The following FBXO10 variants were observed in gnomAD, a reference collection of about 807,000 sequenced individuals.
FBXO10 encodes the protein F-box only protein 10.
FBXO10 carries 39 observed loss-of-function variants against 80.7 expected under a neutral mutation model. The ratio of observed to expected loss-of-function variants is 0.48; its 90% CI spans 0.37 to 0.63. The LOEUF is 0.63. FBXO10 is among the 30% of genes least tolerant of loss of function. The pLI, the probability that FBXO10 is intolerant of heterozygous loss-of-function variation, is 0.00. For synonymous variants in FBXO10, 449 were observed against 489.6 expected, an observed-to-expected ratio of 0.92 and a Z score of 1.09; for missense variants, 1,025 against 1,269.0, an observed-to-expected ratio of 0.81 and a Z score of 2.92.
At chr9:37,556,743 C>T (rs1278495780) in intron 1 of FBXO10, among the ~76,000 whole-genome samples, 2 of 151,970 alleles carry the variant, frequency 1.3e-5, no homozygotes, top group East Asian at 3.8e-4. Flanking sequence ...GGGGGTTTCA[C>T]CATGTTGGCC....
At chr9:37,536,211 C>T (rs144844996) in intron 3 of FBXO10, 3 of 152,244 alleles carry the variant, frequency 2.0e-5, no homozygotes, top group East Asian at 3.9e-4. Flanking sequence ...TGAATACTTC[C>T]GGCATGGGAC....
chr9:37,555,508 G>A (rs893358433), intron 1 of FBXO10, among the ~76,000 whole-genome samples: 9 of 151,814 alleles, frequency 5.9e-5, no homozygotes, highest in Admixed American at 1.3e-4. Context: ...AGCCTCCCGA[G>A]TAGCTGGGAT....
chr9:37,523,425 G>A (rs747460984), intron 6 of FBXO10, among the ~76,000 whole-genome samples: 2 of 151,954 alleles, frequency 1.3e-5, no homozygotes, highest in East Asian at 1.9e-4. Context: ...GTGGTGGTGC[G>A]TGCCTGTAGT....
At chr9:37,535,070 C>A (rs1821723512) in intron 3 of FBXO10, among the ~76,000 whole-genome samples, 1 of 152,134 alleles carries the variant, frequency 6.6e-6, no homozygotes, top group Non-Finnish European at 1.5e-5. Context: ...GAGCAGCAGG[C>A]ACAAAGGAAG....
intron 7 of FBXO10, among the ~76,000 whole-genome samples, chr9:37,522,140 C>T (rs1490202980): frequency 6.6e-6 from 1 of 152,240 alleles, no homozygotes; most frequent in Non-Finnish European, 1.5e-5. Flanking sequence ...GCCAAGGGGG[C>T]ACCAATCCCT....
chr9:37,546,614 T>A (rs894927447), intron 1 of FBXO10, among the ~76,000 whole-genome samples: 1 of 152,126 alleles, frequency 6.6e-6, no homozygotes, highest in African/African-American at 2.4e-5. Context: ...TTGCTGATAG[T>A]TTAATAAGAG....
At chr9:37,554,346 CT>C (rs1822282819) in intron 1 of FBXO10, among the ~76,000 whole-genome samples, 1 of 152,126 alleles carries the variant, frequency 6.6e-6, no homozygotes, top group African/African-American at 2.4e-5. Context: ...TTGAGACTGG[CT>C]TTTTTTCATT....
At chr9:37,554,942 T>TG (rs1266194779) in intron 1 of FBXO10, among the ~76,000 whole-genome samples, 1 of 152,244 alleles carries the variant, frequency 6.6e-6, no homozygotes, top group African/African-American at 2.4e-5. Flanking sequence ...TAATTTTTCT[T>TG]GAGTCAATAC....
Position 37,541,336 on chromosome 9 carries a change from C to T in FBXO10, c.433G>A (p.Gly145Ser), listed in dbSNP as rs765616110. 1.9e-6 allele frequency: 3 copies of T among 1,614,054 alleles called. No homozygotes were observed. Among genetic ancestry groups the T allele is most frequent in the South Asian group, 1.1e-5 (1 of 91,086 alleles). Residue 145 changes from glycine (G) to serine (S), a missense_variant, in exon 2 of 11, where the codon GGT (glycine) becomes AGT (serine). Gly to Ser is a moderately conservative substitution (Grantham distance 56, BLOSUM62 0). Transcript: ENST00000432825. ...VLFPGVYEEQ[G>S]EIILKVPVEI... ...ACAGGCACCTTCAAGATGATTTCAC[C>T]TTGCTCTTCGTACACACCTGGGAAG...
At chr9:37,566,980 G>A (rs1822622187) in intron 1 of FBXO10, among the ~76,000 whole-genome samples, 1 of 152,030 alleles carries the variant, frequency 6.6e-6, no homozygotes, top group Admixed American at 6.6e-5. Flanking sequence ...TGTTCATTTT[G>A]GTTTACTTAG....
chr9:37,569,853 C>G (rs775618249), intron 1 of FBXO10, among the ~76,000 whole-genome samples: 1 of 152,078 alleles, frequency 6.6e-6, no homozygotes, highest in Non-Finnish European at 1.5e-5. Context: ...ACCAACCAAC[C>G]AAAAACAGAA....
At chr9:37,564,382 G>A (rs988978026) in intron 1 of FBXO10, among the ~76,000 whole-genome samples, 4 of 152,120 alleles carry the variant, frequency 2.6e-5, no homozygotes, top group Admixed American at 6.6e-5. Flanking sequence ...GAGTCTCCAC[G>A]GGGGCACTGC....
chr9:37,533,240 A>G (rs1001991665), intron 3 of FBXO10, among the ~76,000 whole-genome samples: 3 of 152,256 alleles, frequency 2.0e-5, no homozygotes, highest in African/African-American at 7.2e-5. Context: ...TATTAAAAAT[A>G]ATAAATAATA....
At chr9:37,567,433 C>T (rs1480438471) in intron 1 of FBXO10, among the ~76,000 whole-genome samples, 2 of 152,182 alleles carry the variant, frequency 1.3e-5, no homozygotes, top group Non-Finnish European at 2.9e-5. Flanking sequence ...GCGTGAGCCA[C>T]CATGCCCAGC....
chr9:37,517,207 A>G (rs12343575), intron 9 of FBXO10, among the ~76,000 whole-genome samples: 9,169 of 152,048 alleles, frequency 0.06, 722 homozygotes, highest in African/African-American at 0.18. Flanking sequence ...TTGGTGACTC[A>G]GGGGGAAGGG....
At chr9:37,564,391 G>A (rs1462480375) in intron 1 of FBXO10, among the ~76,000 whole-genome samples, 1 of 152,176 alleles carries the variant, frequency 6.6e-6, no homozygotes, top group African/African-American at 2.4e-5. Context: ...CGGGGGCACT[G>A]CCCAGTGGAG....
At chr9:37,574,986 T>C (rs1822856620) in intron 1 of FBXO10, among the ~76,000 whole-genome samples, 1 of 152,168 alleles carries the variant, frequency 6.6e-6, no homozygotes, top group South Asian at 2.1e-4. Flanking sequence ...TCCTCTCCAC[T>C]ACCCACTGCC....
intron 4 of FBXO10, among the ~76,000 whole-genome samples, chr9:37,530,387 T>C (rs1301192213): frequency 1.3e-5 from 2 of 152,176 alleles, no homozygotes; most frequent in East Asian, 3.9e-4. Flanking sequence ...AAAAGGAGTA[T>C]GCAGCAGCAT....
chr9:37,547,262 T>C (rs901882250), intron 1 of FBXO10, among the ~76,000 whole-genome samples: 25 of 152,272 alleles, frequency 1.6e-4, no homozygotes, highest in African/African-American at 5.8e-4. Flanking sequence ...GGATAAACCA[T>C]TGATGTAGAC....
Sources: allele counts gnomAD v4.1 joint callset (sites outside exome capture counted in the v4.1 genomes callset), GRCh38; gene constraint gnomAD v4.1.1; transcripts MANE v1.5; gene names NCBI Gene and HGNC (gene_info 2026-07-23, HGNC 2026-07-21).